The following SSTR3 variants were observed in gnomAD, a reference collection of about 807,000 sequenced individuals.
SSTR3 encodes the protein somatostatin receptor 3.
For synonymous variants in SSTR3, 281 were observed against 269.2 expected, an observed-to-expected ratio of 1.04 and a Z score of -0.43; for missense variants, 504 against 604.7, an observed-to-expected ratio of 0.83 and a Z score of 1.75.
Position 37,204,634 on chromosome 22 carries a change from A to G in SSTR3, c.*1913T>C, listed in dbSNP as rs1925607601. 6.6e-6 allele frequency: 1 copy of G among 152,142 alleles called. No individual in the cohort carries two copies. Among genetic ancestry groups the G allele is most frequent in the Admixed American group, 6.5e-5 (1 of 15,280 alleles). 9.4% of individuals were successfully genotyped at this position (152,142 alleles called of 1,614,324 possible). A position where few individuals can be genotyped will look rare whatever the true frequency, so the allele number is the denominator to read the frequency against. On this transcript the variant is annotated 3_prime_UTR_variant, in exon 2 of 2. Transcript: ENST00000610913. Reference sequence around the variant, plus strand: ...GACACAGAGAGGCCACTTGATGGAGAGGGGGGTATAGGCCAAGCCTGGGGG... The same window carrying G: ...GACACAGAGAGGCCACTTGATGGAGGGGGGGGTATAGGCCAAGCCTGGGGG...
chr22:37,206,781 A>G lies in SSTR3; in HGVS notation c.1023T>C (p.Thr341=). ...PSRRVRSQEP[T]VGPPEKTEEE... Reference sequence around the variant, plus strand: ...CCTCAGTCTTCTCCGGGGGCCCCACAGTGGGCTCCTGGCTGCGCACACGGC... The same window carrying G: ...CCTCAGTCTTCTCCGGGGGCCCCACGGTGGGCTCCTGGCTGCGCACACGGC... The change falls in exon 2 of 2, where the codon ACT becomes ACC. Residue 341 remains threonine, a synonymous_variant. Coordinates refer to ENST00000610913, the MANE Select transcript of SSTR3 (RefSeq NM_001051.5). 6.2e-7 allele frequency: 1 copy of G among 1,611,208 alleles called. No homozygotes were observed. The highest frequency in any genetic ancestry group is 8.5e-7 in the Non-Finnish European group (1 of 1,179,708).
chr22:37,214,799 C>A (rs75251197), upstream of SSTR3, among the ~76,000 whole-genome samples: 1 of 152,196 alleles, frequency 6.6e-6, no homozygotes, highest in South Asian at 2.1e-4. Flanking sequence ...ATCCACAGTC[C>A]CGACCGCGGC....
intron 1 of SSTR3, 130 bp downstream of exon 1, chr22:37,211,695 T>TCCATCCTGCCTCCCTGGGAGTCCC: frequency 1.1e-6 from 1 of 941,388 alleles, no homozygotes. Context: ...CAGGAAGGCC[T>TCCATCCTGCCTCCCTGGGAGTCCC]CCCTCCTGCC....
At chr22:37,218,985 T>C in the SSTR3 span, among the ~76,000 whole-genome samples, 6 of 152,184 alleles carry the variant, frequency 3.9e-5, no homozygotes, top group African/African-American at 1.4e-4. Context: ...CACCCCACCA[T>C]GTAGCAGCAG....
Position 37,204,815 on chromosome 22 carries a change from G to A in SSTR3, c.*1732C>T, listed in dbSNP as rs540748550. 2.6e-5 allele frequency: 4 copies of A among 152,400 alleles called. No homozygotes were observed. The highest frequency in any genetic ancestry group is 4.8e-5 in the African/African-American group (2 of 41,590). 9.4% of individuals were successfully genotyped at this position (152,400 alleles called of 1,614,324 possible). A position where few individuals can be genotyped will look rare whatever the true frequency, so the allele number is the denominator to read the frequency against. ...TTTGTTGATGGGGAAATTGAGGCCC[G>A]GAAGGCCAATGCCAGCCCAGGACCC... On this transcript the variant is annotated 3_prime_UTR_variant, in exon 2 of 2. Coordinates refer to ENST00000610913, the MANE Select transcript of SSTR3 (RefSeq NM_001051.5).
upstream of SSTR3, among the ~76,000 whole-genome samples, chr22:37,216,699 C>T (rs1392499217): frequency 6.6e-6 from 1 of 152,224 alleles, no homozygotes; most frequent in Non-Finnish European, 1.5e-5. Flanking sequence ...TTTGGGGATT[C>T]CCTTCAGCTT....
Position 37,207,014 on chromosome 22 carries a change from C to T in SSTR3, c.790G>A (p.Ala264Thr), listed in dbSNP as rs754495677. The stretch of plus-strand genomic sequence containing the variant: ...GGCATCCAGCAGAGCACGAAGAGCG[C>T]CACCACGGCCACCACCATGCGCGTG... Reference protein sequence around the residue: ...RVTRMVVAVVALFVLCWMPFY... With the variant: ...RVTRMVVAVVTLFVLCWMPFY... Residue 264 changes from alanine (A) to threonine (T), a missense_variant, in exon 2 of 2, where the codon GCG becomes ACG. Physicochemically the swap from Ala to Thr is moderately conservative, Grantham distance 58. Transcript: ENST00000610913. The T allele has an allele frequency of 1.2e-6, 2 of 1,612,642 alleles. No individual in the cohort carries two copies. The highest frequency in any genetic ancestry group is 1.7e-6 in the Non-Finnish European group (2 of 1,179,682).
At chr22:37,219,335 C>T in the SSTR3 span, among the ~76,000 whole-genome samples, 2 of 152,202 alleles carry the variant, frequency 1.3e-5, no homozygotes, top group African/African-American at 4.8e-5. Flanking sequence ...GGGGCTGTGC[C>T]TCACCCCTCT....
chr22:37,212,248 AGGGAGAGGGAGAGG>A lies in SSTR3; in HGVS notation c.-474_-461del. On this transcript the variant is annotated 5_prime_UTR_variant, in exon 1 of 2. The change creates a premature stop within an existing upstream ORF in the 5' untranslated region. Coordinates refer to ENST00000610913, the MANE Select transcript of SSTR3 (RefSeq NM_001051.5). ...GAAAGAGGGAGGGGGAGAGAGAGAGAGGGAGAGGGAGAGGAGACCGTGAGTAGGAGGAAAGGCAG... is the reference window on the plus strand; with the variant it reads ...GAAAGAGGGAGGGGGAGAGAGAGAGAAGACCGTGAGTAGGAGGAAAGGCAG... The A allele has an allele frequency of 3.5e-6, 2 of 578,586 alleles. No individual in the cohort carries two copies. The highest frequency in any genetic ancestry group is 4.4e-6 in the Non-Finnish European group (2 of 459,216). The allele number at this position is 578,586 out of a possible 1,614,324, so 35.8% of individuals were successfully genotyped here.
chr22:37,215,599 T>C (rs373879729), upstream of SSTR3: 5 of 163,728 alleles, frequency 3.1e-5, no homozygotes, highest in South Asian at 6.8e-4. Flanking sequence ...GTGCAGAGCA[T>C]ATGAACAAAG....
the SSTR3 span, among the ~76,000 whole-genome samples, chr22:37,220,303 T>G: frequency 1.3e-5 from 2 of 152,094 alleles, no homozygotes; most frequent in South Asian, 4.1e-4. Flanking sequence ...GTGAAAATCC[T>G]GGGAGCAGCC....
intron 1 of SSTR3, chr22:37,210,781 C>T (rs1287361185): frequency 2.0e-6 from 2 of 985,432 alleles, no homozygotes; most frequent in Admixed American, 6.1e-5. Flanking sequence ...CCCAATCATT[C>T]TCCATTTGCC....
chr22:37,212,816 G>A (rs775751661), upstream of SSTR3, among the ~76,000 whole-genome samples: 2 of 152,152 alleles, frequency 1.3e-5, no homozygotes, highest in Admixed American at 6.5e-5. Flanking sequence ...CGGGCACACC[G>A]GCCGCAGCAC....
At chr22:37,215,902 C>T (rs970463946), upstream of SSTR3, 3 of 260,006 alleles carry the variant, frequency 1.2e-5, no homozygotes, top group East Asian at 9.7e-5. Context: ...TGGCGAGAAA[C>T]GGAGTCAACC....
intron 1 of SSTR3, chr22:37,210,529 C>T (rs988016867): frequency 2.6e-5 from 26 of 985,466 alleles, no homozygotes; most frequent in African/African-American, 1.6e-4. Context: ...CAGCTTTCCA[C>T]GCACGTAAGC....
intron 1 of SSTR3, chr22:37,210,445 T>C: frequency 5.5e-6 from 5 of 913,500 alleles, no homozygotes; most frequent in Non-Finnish European, 6.5e-6. Context: ...TGGAAAACCC[T>C]GTCTCCACCC....
the SSTR3 span, among the ~76,000 whole-genome samples, chr22:37,219,542 A>G: frequency 6.6e-6 from 1 of 152,150 alleles, no homozygotes; most frequent in African/African-American, 2.4e-5. Context: ...ATCATGTGAG[A>G]GCTGGATGGA....
Position 37,212,125 on chromosome 22 carries a change from C to A in SSTR3, c.-337G>T. Reference sequence around the variant, plus strand: ...GGCAAGGATAGGGGGGAGAAGCTTCCCAGGGTGAGGAAGAGAAGAGGGGAG... The same window carrying A: ...GGCAAGGATAGGGGGGAGAAGCTTCACAGGGTGAGGAAGAGAAGAGGGGAG... On this transcript the variant is annotated 5_prime_UTR_variant, in exon 1 of 2. Transcript: ENST00000610913. 1 of 984,806 alleles carries A rather than the reference C, an allele frequency of 1.0e-6. No individual in the cohort carries two copies. The highest frequency in any genetic ancestry group is 1.2e-6 in the Non-Finnish European group (1 of 829,916). The allele number at this position is 984,806 out of a possible 1,614,324, so 61.0% of individuals were successfully genotyped here.
Position 37,211,828 on chromosome 22 carries a change from C to T in SSTR3, c.-40G>A. 3 of 985,758 alleles carry T rather than the reference C, an allele frequency of 3.0e-6. No homozygotes were observed. The highest frequency in any genetic ancestry group is 3.6e-6 in the Non-Finnish European group (3 of 830,158). 61.1% of individuals were successfully genotyped at this position (985,758 alleles called of 1,614,324 possible). A position where few individuals can be genotyped will look rare whatever the true frequency, so the allele number is the denominator to read the frequency against. On this transcript the variant is annotated 5_prime_UTR_variant, in exon 1 of 2. Transcript: ENST00000610913. ...ATCCGGGCCCCAGCCTCCTTACCTG[C>T]CCATGGGGTGAGGGCTTCCCTCCTT...
Sources: gnomAD v4.1 joint callset for allele counts (sites outside exome capture counted in the v4.1 genomes callset) on GRCh38, gnomAD v4.1.1 for gene constraint, MANE v1.5 for transcripts, NCBI Gene and HGNC (gene_info 2026-07-23, HGNC 2026-07-21) for gene names.